Variants in TLN1 observed in about 807,000 individuals in gnomAD.
TLN1 encodes talin 1, also known as talin-1.
TLN1 carries 56 observed loss-of-function variants against 292.3 expected under a neutral mutation model. The ratio of observed to expected loss-of-function variants is 0.19; its 90% CI spans 0.15 to 0.24. The LOEUF is 0.24. Ranked by LOEUF, TLN1 falls within the 10% of genes least tolerant of loss-of-function variation. TLN1 has a pLI of 1.00. For missense variants in TLN1, 2,433 were observed against 3,248.2 expected, an observed-to-expected ratio of 0.75 and a Z score of 6.10; for synonymous variants, 1,119 against 1,253.7, an observed-to-expected ratio of 0.89 and a Z score of 2.27.
Position 35,707,637 on chromosome 9 carries a change from G to A in TLN1, c.4632+94C>T. The A allele has an allele frequency of 5.0e-6, 8 of 1,589,978 alleles. No homozygotes were observed. The highest frequency in any genetic ancestry group is 1.3e-5 in the African/African-American group (1 of 74,550). Reference sequence around the variant, plus strand: ...AGAAAGAGCTTGGGCTCAGGCAGAGGGGATTTGGTAGAAGGCTTCAGAGAA... The same window carrying A: ...AGAAAGAGCTTGGGCTCAGGCAGAGAGGATTTGGTAGAAGGCTTCAGAGAA... On this transcript the variant is annotated intron_variant, in intron 35 of 56. Coordinates refer to ENST00000314888, the MANE Select transcript of TLN1 (RefSeq NM_006289.4). The surrounding 1 kb of genome is among the most constrained non-coding windows in gnomAD (Gnocchi z 5.6).
intron 8 of TLN1, 134 bp downstream of exon 8, chr9:35,722,727 G>A: frequency 1.2e-6 from 1 of 806,824 alleles, no homozygotes; most frequent in Non-Finnish European, 2.1e-6. Flanking sequence ...TGGCAGAGGT[G>A]AGGTGGGATA....
rs1825589692 is a variant in TLN1, at chr9:35,707,621, T to A, written c.4632+110A>T. 1.3e-6 allele frequency: 2 copies of A among 1,580,884 alleles called. No homozygotes were observed. Among genetic ancestry groups the A allele is most frequent in the African/African-American group, 2.7e-5 (2 of 74,206 alleles). ...GGTGGTCAGTCTGAATAGAAAGAGC[T>A]TGGGCTCAGGCAGAGGGGATTTGGT... On this transcript the variant is annotated intron_variant, in intron 35 of 56. Coordinates refer to ENST00000314888, the MANE Select transcript of TLN1 (RefSeq NM_006289.4). This position sits in a 1 kb window ranked among gnomAD's most constrained non-coding sequence, Gnocchi z 5.6.
chr9:35,697,746 C>T lies in TLN1; in HGVS notation c.*45G>A, dbSNP rs776130687. 20 of 1,606,434 alleles carry T rather than the reference C, an allele frequency of 1.2e-5. No homozygotes were observed. Among genetic ancestry groups the T allele is most frequent in the African/African-American group, 8.0e-5 (6 of 74,702 alleles). On this transcript the variant is annotated 3_prime_UTR_variant, in exon 57 of 57. Coordinates refer to ENST00000314888, the MANE Select transcript of TLN1 (RefSeq NM_006289.4). ...AGCCCAGAAGGCTTTGGTAGTGGCA[C>T]GCACAGTCTCTGGGCCGGGTCTGCA...
At chr9:35,703,424 A>G in intron 48 of TLN1, 136 bp downstream of exon 48, 2 of 829,540 alleles carry the variant, frequency 2.4e-6, no homozygotes, top group Non-Finnish European at 3.9e-6. Flanking sequence ...ACCCTTCTCA[A>G]AAAAAAAGTC....
Position 35,718,835 on chromosome 9 carries a change from T to C in TLN1, c.1972A>G (p.Ser658Gly). Reference protein sequence around the residue: ...SGELLQQIGESDTDPHFQDAL... With the variant: ...SGELLQQIGEGDTDPHFQDAL... ...ACCTGGAAGTGGGGGTCAGTATCAC[T>C]TTCCCCAATTTGTTGCAACAGCTCC... Residue 658 changes from serine (S) to glycine (G), a missense_variant, in exon 17 of 57, where the codon AGT becomes GGT. Physicochemically the swap from Ser to Gly is moderately conservative, Grantham distance 56. This residue lies in a region of TLN1 where 617 missense variants were observed against 770.6 expected (regional missense o/e 0.80). Transcript: ENST00000314888. 6.2e-7 allele frequency: 1 copy of C among 1,613,784 alleles called. No individual in the cohort carries two copies. Among genetic ancestry groups the C allele is most frequent in the Non-Finnish European group, 8.5e-7 (1 of 1,179,864 alleles).
rs142050456 is a variant in TLN1, at chr9:35,722,301, A to C, written c.844-78T>G. 1,444 of 1,254,500 alleles carry C rather than the reference A, an allele frequency of 1.2e-3. 11 individuals carry two copies. In the African/African-American group the frequency reaches 0.018, roughly 16 times the overall value. 77.7% of individuals were successfully genotyped at this position (1,254,500 alleles called of 1,614,324 possible). A position where few individuals can be genotyped will look rare whatever the true frequency, so the allele number is the denominator to read the frequency against. The stretch of plus-strand genomic sequence containing the variant: ...GAATTAAGGTTGGATGCTAACTCTA[A>C]CGAGAGAGAATTATGGGGACACTGG... On this transcript the variant is annotated intron_variant, in intron 8 of 56. Transcript: ENST00000314888.
Position 35,717,901 on chromosome 9 carries a change from G to A in TLN1, c.1996-115C>T, listed in dbSNP as rs1825813386. On this transcript the variant is annotated intron_variant, in intron 17 of 56. Transcript: ENST00000314888. This position sits in a 1 kb window ranked among gnomAD's most constrained non-coding sequence, Gnocchi z 4.7. ...CTGATCCAATCAAAGGAGAGTGTAC[G>A]CAGAAGCAACCAGAACCTACCCCGA... is the stretch of plus-strand genomic sequence containing the variant. The A allele has an allele frequency of 5.3e-6, 7 of 1,314,552 alleles. No homozygotes were observed. Among genetic ancestry groups the A allele is most frequent in the African/African-American group, 1.5e-5 (1 of 67,942 alleles). The allele number at this position is 1,314,552 out of a possible 1,614,324, so 81.4% of individuals were successfully genotyped here. A position where few individuals can be genotyped will look rare whatever the true frequency, so the allele number is the denominator to read the frequency against.
In TLN1 at chr9:35,703,646, TAAGC is replaced by T; in HGVS notation, c.6384_6387del (p.Leu2129ArgfsTer3). 1 of 1,614,162 alleles carries T rather than the reference TAAGC, an allele frequency of 6.2e-7. No homozygotes were observed. Among genetic ancestry groups the T allele is most frequent in the South Asian group, 1.1e-5 (1 of 91,086 alleles). Reference sequence around the variant, plus strand: ...TCATCTTCCACGGCTTTTACTGTCTTAAGCAATGATGTCACATTGGTCACCATCA... The same window carrying T: ...TCATCTTCCACGGCTTTTACTGTCTTAATGATGTCACATTGGTCACCATCA... On this transcript the variant is annotated frameshift_variant, in exon 48 of 57. Coordinates refer to ENST00000314888, the MANE Select transcript of TLN1 (RefSeq NM_006289.4). LOFTEE classifies it high-confidence loss of function.
rs1238318219 is a variant in TLN1, at chr9:35,724,288, C to T, written c.558G>A (p.Glu186=). 2 of 1,614,178 alleles carry T rather than the reference C, an allele frequency of 1.2e-6. No individual in the cohort carries two copies. The highest frequency in any genetic ancestry group is 1.1e-5 in the South Asian group (1 of 91,086). Residue 186 remains glutamate, a synonymous_variant, in exon 6 of 57, where the codon GAG becomes GAA. Transcript: ENST00000314888. This position sits in a 1 kb window ranked among gnomAD's most constrained non-coding sequence, Gnocchi z 4.7. The part of the protein sequence containing the change: ...HGRTLREQGV[E]EHETLLLRRK... ...TCCGCAGCAGCAGCGTCTCGTGCTC[C>T]TCTACACCCTGCTCCCTCAGTGTCC... is the stretch of plus-strand genomic sequence containing the variant.
intron 7 of TLN1, 172 bp from the exon 8 acceptor site, chr9:35,723,093 C>G: frequency 3.8e-6 from 2 of 520,556 alleles, no homozygotes; most frequent in Non-Finnish European, 6.8e-6. Flanking sequence ...GAGGTGACTT[C>G]GTGTAAACTC....
chr9:35,709,259 C>A (rs1419994331), intron 33 of TLN1, among the ~76,000 whole-genome samples: 1 of 152,170 alleles, frequency 6.6e-6, no homozygotes, highest in Non-Finnish European at 1.5e-5. Flanking sequence ...TATGCCTCTG[C>A]ACTCCAGCCT....
intron 3 of TLN1, 129 bp downstream of exon 3, chr9:35,725,095 C>A: frequency 6.5e-7 from 1 of 1,537,530 alleles, no homozygotes; most frequent in South Asian, 1.2e-5. Flanking sequence ...GGAATTATGA[C>A]TGTCTGTTAA....
rs1825405777 is a variant in TLN1, at chr9:35,698,443, G to GCCTT, written c.7247_7250dup (p.His2418ArgfsTer31). 1 of 1,613,980 alleles carries GCCTT rather than the reference G, an allele frequency of 6.2e-7. No homozygotes were observed. The highest frequency in any genetic ancestry group is 1.3e-5 in the African/African-American group (1 of 74,938). On this transcript the variant is annotated frameshift_variant, in exon 55 of 57. Coordinates refer to ENST00000314888, the MANE Select transcript of TLN1 (RefSeq NM_006289.4). LOFTEE classifies it high-confidence loss of function. The surrounding 1 kb of genome is among the most constrained non-coding windows in gnomAD (Gnocchi z 5.3). The stretch of plus-strand genomic sequence containing the variant: ...AGATGAGCTTCTCCTGGCTGGCATG[G>GCCTT]CCTTGTACAGCTGCATTGGCTGCCT...
Position 35,708,533 on chromosome 9 carries a change from G to T in TLN1, c.4327-49C>A, listed in dbSNP as rs568098498. On this transcript the variant is annotated intron_variant, in intron 33 of 56. Transcript: ENST00000314888. ...GGTGAGGAATAAAGATTGCAGGTGG[G>T]AAATGAATAGTGATAGTAGGGACAA... 385 of 1,485,552 alleles carry T rather than the reference G, an allele frequency of 2.6e-4. 5 individuals carry two copies. In the South Asian group the frequency reaches 5.0e-3, roughly 19 times the overall value. The allele number at this position is 1,485,552 out of a possible 1,614,324, so 92.0% of individuals were successfully genotyped here. A position where few individuals can be genotyped will look rare whatever the true frequency, so the allele number is the denominator to read the frequency against.
chr9:35,720,741 C>T (rs573182382), intron 11 of TLN1, 71 bp downstream of exon 11: 3 of 1,449,496 alleles, frequency 2.1e-6, no homozygotes, highest in Admixed American at 3.4e-5. Flanking sequence ...TCTGAGTGCC[C>T]ATTTCTAAAG....
chr9:35,711,439 T>C (rs1396848890), intron 29 of TLN1, 45 bp from the exon 30 acceptor site: 2 of 1,612,868 alleles, frequency 1.2e-6, no homozygotes, highest in Admixed American at 1.7e-5. Context: ...TCCTTTCTTA[T>C]CTGTCTCTAA....
rs1349639963 is a variant in TLN1 at position 35,714,675 on chromosome 9, G to C, written c.2884C>G (p.Gln962Glu). 3.1e-6 allele frequency: 5 copies of C among 1,614,094 alleles called. No individual in the cohort carries two copies. In the South Asian group the frequency reaches 5.5e-5, roughly 18 times the overall value. Reference sequence around the variant, plus strand: ...ACGCCCTGCACCAGCAGTGGAATCTGCTCTGCCACTGCCTGTAGGTGAAAA... The same window carrying C: ...ACGCCCTGCACCAGCAGTGGAATCTCCTCTGCCACTGCCTGTAGGTGAAAA... ...LVQSCKAVAE[Q>E]IPLLVQGVRG... The change falls in exon 23 of 57, where the codon CAG (glutamine) becomes GAG (glutamate). Residue 962 changes from glutamine (Q) to glutamate (E), a missense_variant. Gln to Glu is a conservative substitution (Grantham distance 29). Around this residue, in one of 7 missense-constraint regions of TLN1, gnomAD observed 617 missense variants for 770.6 expected, o/e 0.80. Transcript: ENST00000314888. This position sits in a 1 kb window ranked among gnomAD's most constrained non-coding sequence, Gnocchi z 4.6.
At position 35,711,270 on chromosome 9, in the gene TLN1, A is replaced by G; in HGVS notation, c.4004T>C (p.Leu1335Pro). The G allele has an allele frequency of 6.2e-7, 1 of 1,614,166 alleles. No homozygotes were observed. ...AACTACTTACCTGGCAGCTGCAGCC[A>G]GCTGACTCTTGAGGTTAGGGGCAGC... ...DPAAPNLKSQ[L>P]AAAARAVTDS... Residue 1335 changes from leucine (L) to proline (P), a missense_variant, in exon 30 of 57, where the codon CTG (leucine) becomes CCG (proline). Around this residue, in one of 7 missense-constraint regions of TLN1, gnomAD observed 1,384 missense variants for 1,699.6 expected, o/e 0.81. Transcript: ENST00000314888.
Position 35,699,757 on chromosome 9 carries a change from AAAGAGG to A in TLN1, c.6768+211_6768+216del, listed in dbSNP as rs371658195. The A allele has an allele frequency of 1.2e-5, 11 of 916,788 alleles. No homozygotes were observed. The highest frequency in any genetic ancestry group is 1.2e-4 in the East Asian group (1 of 8,434). 56.8% of individuals were successfully genotyped at this position (916,788 alleles called of 1,614,324 possible). A position where few individuals can be genotyped will look rare whatever the true frequency, so the allele number is the denominator to read the frequency against. Reference sequence around the variant, plus strand: ...CAGGTGGGAAGGGAGGAGAAAAGAAAAAGAGGAAGAGGAAGAGGTGACTGGGAGAAC... The same window carrying A: ...CAGGTGGGAAGGGAGGAGAAAAGAAAAAGAGGAAGAGGTGACTGGGAGAAC... On this transcript the variant is annotated intron_variant, in intron 50 of 56. Transcript: ENST00000314888. This position sits in a 1 kb window ranked among gnomAD's most constrained non-coding sequence, Gnocchi z 4.0.
Sources: allele counts gnomAD v4.1 joint callset (sites outside exome capture counted in the v4.1 genomes callset), GRCh38; gene constraint gnomAD v4.1.1; regional missense constraint gnomAD v4.1.1; non-coding constraint Gnocchi (gnomAD v3.1); transcripts MANE v1.5; gene names NCBI Gene and HGNC (gene_info 2026-07-23, HGNC 2026-07-21).